The following OSBPL8 variants were observed in gnomAD, a reference collection of about 807,000 sequenced individuals.
OSBPL8 encodes the protein oxysterol binding protein like 8.
In OSBPL8, 59 loss-of-function variants were observed where a neutral mutation model predicts 125.5. The ratio of observed to expected loss-of-function variants is 0.47; its 90% CI spans 0.38 to 0.58. The LOEUF (loss-of-function observed/expected upper bound fraction) is 0.58, where lower values mean the gene tolerates loss of function less well. Ranked by LOEUF, OSBPL8 falls within the 20% of genes least tolerant of loss-of-function variation. The probability of loss-of-function intolerance (pLI) is 0.00; values close to 1 mark genes in which losing one functional copy is unlikely to be tolerated. For missense variants in OSBPL8, 758 were observed against 1,047.8 expected, an observed-to-expected ratio of 0.72 and a Z score of 3.82; for synonymous variants, 330 against 338.9, an observed-to-expected ratio of 0.97 and a Z score of 0.29.
chr12:76,497,194 T>A (rs776852198), intron 1 of OSBPL8, among the ~76,000 whole-genome samples: 27 of 103,728 alleles, frequency 2.6e-4, no homozygotes, highest in Admixed American at 3.6e-4. Context: ...AATCAGCAAA[T>A]TTTTTTTTTT....
chr12:76,500,053 T>C (rs1010503873), intron 1 of OSBPL8, among the ~76,000 whole-genome samples: 7 of 152,206 alleles, frequency 4.6e-5, no homozygotes, highest in Non-Finnish European at 1.0e-4. Context: ...CTACATATTA[T>C]ATCAGTTTTA....
chr12:76,389,864 A>G (rs771520473), intron 11 of OSBPL8, 35 bp from the exon 12 acceptor site: 5 of 1,421,676 alleles, frequency 3.5e-6, no homozygotes, highest in Non-Finnish European at 4.7e-6. Context: ...AAAACATTAT[A>G]TTTATTTCAG....
intron 4 of OSBPL8, among the ~76,000 whole-genome samples, chr12:76,435,990 C>A (rs1284897666): frequency 6.6e-6 from 1 of 152,154 alleles, no homozygotes; most frequent in Non-Finnish European, 1.5e-5. Context: ...AAATCTTACT[C>A]CCCACCATAC....
intron 2 of OSBPL8, among the ~76,000 whole-genome samples, chr12:76,483,927 G>A (rs1236985617): frequency 2.0e-5 from 3 of 151,796 alleles, no homozygotes; most frequent in East Asian, 1.9e-4. Context: ...TGTACGCCTC[G>A]GCCTCCCAAA....
At chr12:76,542,776 T>C (rs1395319105) in intron 1 of OSBPL8, among the ~76,000 whole-genome samples, 3 of 152,214 alleles carry the variant, frequency 2.0e-5, no homozygotes, top group Non-Finnish European at 2.9e-5. Flanking sequence ...TCAAGAGACT[T>C]GAAGACAAAA....
chr12:76,433,549 A>T (rs1472680080), intron 4 of OSBPL8, among the ~76,000 whole-genome samples: 1 of 152,176 alleles, frequency 6.6e-6, no homozygotes, highest in Non-Finnish European at 1.5e-5. Flanking sequence ...ATGAAAGAAG[A>T]CACAGATAAA....
intron 21 of OSBPL8, among the ~76,000 whole-genome samples, chr12:76,366,806 TTTG>T (rs1952434085): frequency 2.0e-5 from 3 of 150,928 alleles, no homozygotes; most frequent in South Asian, 4.3e-4. Flanking sequence ...TTTTGTTTTG[TTTG>T]TTTCTGAGAC....
At chr12:76,457,081 G>A (rs185225979) in intron 3 of OSBPL8, among the ~76,000 whole-genome samples, 29 of 152,318 alleles carry the variant, frequency 1.9e-4, no homozygotes, top group African/African-American at 6.7e-4. Context: ...CAAGAATGAT[G>A]AGAAATGACT....
intron 5 of OSBPL8, among the ~76,000 whole-genome samples, chr12:76,403,180 ACTC>A (rs1306641898): frequency 2.0e-5 from 3 of 152,186 alleles, no homozygotes; most frequent in African/African-American, 7.2e-5. Context: ...CCCTGCTTCT[ACTC>A]CTCCTTCAAT....
chr12:76,388,273 A>T (rs976742157), intron 12 of OSBPL8, among the ~76,000 whole-genome samples: 1 of 152,198 alleles, frequency 6.6e-6, no homozygotes, highest in African/African-American at 2.4e-5. Context: ...TATTCCGAGA[A>T]GTGAGATTAG....
chr12:76,548,147 T>C (rs1004063572), intron 1 of OSBPL8, among the ~76,000 whole-genome samples: 3 of 152,112 alleles, frequency 2.0e-5, no homozygotes, highest in Non-Finnish European at 4.4e-5. Flanking sequence ...TTACTCCAGA[T>C]ACTCCACTGA....
intron 7 of OSBPL8, among the ~76,000 whole-genome samples, chr12:76,398,817 A>C (rs1262307089): frequency 6.6e-6 from 1 of 152,196 alleles, no homozygotes; most frequent in Non-Finnish European, 1.5e-5. Context: ...AAAAGAGAAA[A>C]TCTAAGATAC....
intron 1 of OSBPL8, among the ~76,000 whole-genome samples, chr12:76,514,231 G>A (rs202210189): frequency 2.0e-5 from 3 of 151,922 alleles, no homozygotes; most frequent in Admixed American, 1.3e-4. Flanking sequence ...TGCAACCTCC[G>A]CCTCCCGGGT....
At chr12:76,389,506 C>T (rs979587104) in intron 12 of OSBPL8, 139 bp downstream of exon 12, 17 of 647,092 alleles carry the variant, frequency 2.6e-5, no homozygotes, top group Non-Finnish European at 4.2e-5. Context: ...TAAGGGTCAA[C>T]CACAGAAGTG....
chr12:76,396,053 T>C (rs1324281549), intron 8 of OSBPL8, among the ~76,000 whole-genome samples: 2 of 150,710 alleles, frequency 1.3e-5, no homozygotes, highest in African/African-American at 2.4e-5. Context: ...TGTATATATA[T>C]GGTATTTATA....
intron 4 of OSBPL8, among the ~76,000 whole-genome samples, chr12:76,422,076 G>T (rs1177736396): frequency 6.6e-6 from 1 of 151,994 alleles, no homozygotes; most frequent in African/African-American, 2.4e-5. Context: ...TAAGATTAAA[G>T]CTTACATTAA....
At chr12:76,410,773 T>C (rs1182951582) in intron 4 of OSBPL8, 139 bp from the exon 5 acceptor site, 2 of 594,026 alleles carry the variant, frequency 3.4e-6, no homozygotes, top group Non-Finnish European at 6.0e-6. Flanking sequence ...TAAAGATCTC[T>C]AGAGGGTCAT....
chr12:76,490,522 G>A (rs916168637), intron 1 of OSBPL8, among the ~76,000 whole-genome samples: 10 of 152,314 alleles, frequency 6.6e-5, no homozygotes, highest in South Asian at 2.1e-4. Context: ...GAATCCGGTC[G>A]GAGAAGGCTG....
intron 2 of OSBPL8, among the ~76,000 whole-genome samples, chr12:76,463,755 G>A (rs1184519006): frequency 6.6e-6 from 1 of 152,202 alleles, no homozygotes; most frequent in Non-Finnish European, 1.5e-5. Context: ...TGGGAGTCAA[G>A]TGAAATCATC....
Sources: allele counts gnomAD v4.1 joint callset (sites outside exome capture counted in the v4.1 genomes callset), GRCh38; gene constraint gnomAD v4.1.1; transcripts MANE v1.5; gene names NCBI Gene and HGNC (gene_info 2026-07-23, HGNC 2026-07-21).